GBE1: variants seen among roughly 807,000 people sequenced by gnomAD.
The protein encoded by GBE1 is 1,4-alpha-glucan-branching enzyme.
GBE1 carries 70 observed loss-of-function variants against 88.8 expected under a neutral mutation model. That is an observed-to-expected ratio of 0.79 (90% CI 0.65 to 0.96). GBE1 has a LOEUF of 0.96. Among genes scored for constraint, GBE1 ranks in the 40% least tolerant of loss-of-function variants. The pLI is 0.00. For synonymous variants in GBE1, 284 were observed against 300.1 expected, an observed-to-expected ratio of 0.95 and a Z score of 0.56; for missense variants, 872 against 871.0, an observed-to-expected ratio of 1.00 and a Z score of -0.01.
chr3:81,750,541 A>ATG (rs1706484691), intron 1 of GBE1, among the ~76,000 whole-genome samples: 1 of 97,844 alleles, frequency 1.0e-5, no homozygotes, highest in African/African-American at 5.1e-5. Flanking sequence ...ATATATACGT[A>ATG]TATATATATG....
At chr3:81,555,297 A>G (rs886562269) in intron 12 of GBE1, among the ~76,000 whole-genome samples, 1 of 152,194 alleles carries the variant, frequency 6.6e-6, no homozygotes, top group Non-Finnish European at 1.5e-5. Context: ...TCTTTAAGAT[A>G]ATGGCGCTTA....
chr3:81,516,525 A>G (rs1307157299), intron 14 of GBE1, among the ~76,000 whole-genome samples: 1 of 151,590 alleles, frequency 6.6e-6, no homozygotes, highest in African/African-American at 2.4e-5. Context: ...CTAATACAAC[A>G]TGCACTCTGC....
intron 12 of GBE1, among the ~76,000 whole-genome samples, chr3:81,575,978 G>C (rs1005255884): frequency 7.9e-5 from 12 of 152,076 alleles, no homozygotes; most frequent in African/African-American, 2.7e-4. Flanking sequence ...TTTTCATGTA[G>C]ACTTTTTTTC....
intron 8 of GBE1, among the ~76,000 whole-genome samples, chr3:81,593,151 T>C (rs1024802452): frequency 1.3e-5 from 2 of 151,838 alleles, no homozygotes; most frequent in Non-Finnish European, 2.9e-5. Flanking sequence ...TCACCTGAGG[T>C]CAGGAGTTTG....
chr3:81,636,973 G>A (rs1299609861), intron 7 of GBE1, among the ~76,000 whole-genome samples: 2 of 152,046 alleles, frequency 1.3e-5, no homozygotes, highest in African/African-American at 4.8e-5. Flanking sequence ...CTTATTTTTA[G>A]GAGATACAGT....
At chr3:81,549,862 GA>G (rs1302320734) in intron 12 of GBE1, among the ~76,000 whole-genome samples, 1 of 151,444 alleles carries the variant, frequency 6.6e-6, no homozygotes, top group Non-Finnish European at 1.5e-5. Context: ...ACTGGAGAGA[GA>G]AATTAAGTTT....
chr3:81,490,239 TAAATA>T lies in GBE1; in HGVS notation c.*163_*167del. The T allele has an allele frequency of 3.3e-6, 2 of 606,378 alleles. No individual in the cohort carries two copies. Among genetic ancestry groups the T allele is most frequent in the Middle Eastern group, 4.2e-4 (1 of 2,384 alleles). The allele number at this position is 606,378 out of a possible 1,614,324, so 37.6% of individuals were successfully genotyped here. A position where few individuals can be genotyped will look rare whatever the true frequency, so the allele number is the denominator to read the frequency against. ...TTTTAAACATATTCTCCCATCTACT[TAAATA>T]AAAGTTTGCTGTATTTGCATAAACC... is the stretch of plus-strand genomic sequence containing the variant. On this transcript the variant is annotated 3_prime_UTR_variant, in exon 16 of 16. Transcript: ENST00000429644.
chr3:81,610,416 C>A (rs1051870913), intron 7 of GBE1, among the ~76,000 whole-genome samples: 22 of 152,120 alleles, frequency 1.4e-4, no homozygotes, highest in African/African-American at 5.1e-4. Flanking sequence ...AAAATTTTGT[C>A]CATGTTCATA....
intron 7 of GBE1, among the ~76,000 whole-genome samples, chr3:81,614,930 G>A (rs1704228928): frequency 2.6e-5 from 4 of 152,178 alleles, no homozygotes; most frequent in African/African-American, 9.6e-5. Context: ...TTGGGAGGCT[G>A]AGGTGGGAGA....
intron 15 of GBE1, among the ~76,000 whole-genome samples, chr3:81,495,623 C>T (rs1468523329): frequency 2.0e-5 from 3 of 152,062 alleles, no homozygotes; most frequent in African/African-American, 7.2e-5. Flanking sequence ...AGAAAAGTGA[C>T]TCTAGTATTT....
chr3:81,569,841 T>C (rs983890374), intron 12 of GBE1, among the ~76,000 whole-genome samples: 1 of 152,104 alleles, frequency 6.6e-6, no homozygotes, highest in African/African-American at 2.4e-5. Flanking sequence ...AATTTCAAGA[T>C]TTTGCTCTTG....
chr3:81,512,969 A>C (rs1468143156), intron 14 of GBE1, among the ~76,000 whole-genome samples: 2 of 151,548 alleles, frequency 1.3e-5, no homozygotes, highest in African/African-American at 4.8e-5. Context: ...ATTTTGTTTA[A>C]TTTGAATGGG....
intron 12 of GBE1, among the ~76,000 whole-genome samples, chr3:81,540,757 A>C (rs1703132884): frequency 6.6e-6 from 1 of 152,086 alleles, no homozygotes; most frequent in Admixed American, 6.6e-5. Context: ...GAAAATGAAA[A>C]TAATGTTGTT....
In GBE1 at chr3:81,642,914, C is replaced by G. The variant is rs116899644; in HGVS notation, c.859G>C (p.Val287Leu). 4.3e-4 allele frequency: 689 copies of G among 1,612,968 alleles called. 6 individuals are homozygous for G. The East Asian group carries it at 0.014, about 32-fold the overall frequency. ...HSMGIIVLLDVVHSHASKNSA... is the reference protein window; with the variant it reads ...HSMGIIVLLDLVHSHASKNSA... ...TTTTTTGAAGCATGGCTGTGTACCA[C>G]ATCTAAGAGGACTATGATACCCATG... Residue 287 changes from valine (V) to leucine (L), a missense_variant, in exon 7 of 16, where the codon GTG (valine) becomes CTG (leucine). Coordinates refer to ENST00000429644, the MANE Select transcript of GBE1 (RefSeq NM_000158.4).
At position 81,591,548 on chromosome 3, in the gene GBE1, A is replaced by C. The variant is rs544328860; in HGVS notation, c.1109-384T>G. Among the ~76,000 whole-genome samples the C allele has an allele frequency of 4.6e-5, 7 of 152,246 alleles. No individual in the cohort carries two copies. The East Asian group carries it at 1.2e-3, about 25-fold the overall frequency. On this transcript the variant is annotated intron_variant, in intron 8 of 15. Coordinates refer to ENST00000429644, the MANE Select transcript of GBE1 (RefSeq NM_000158.4). ...GTTTGTATTAGATCCCTCTGAGGTA[A>C]GGAAAAGAAAATAGGAAAACCATCA...
chr3:81,635,389 C>A (rs1038266027), intron 7 of GBE1, among the ~76,000 whole-genome samples: 1 of 151,966 alleles, frequency 6.6e-6, no homozygotes, highest in Non-Finnish European at 1.5e-5. Flanking sequence ...GAATAAGGTC[C>A]TCAAAAATGA....
intron 7 of GBE1, among the ~76,000 whole-genome samples, chr3:81,639,381 C>T (rs916752418): frequency 1.3e-5 from 2 of 151,762 alleles, no homozygotes; most frequent in African/African-American, 2.4e-5. Flanking sequence ...ACATAACTCT[C>T]TGATAATTCT....
chr3:81,539,372 T>A (rs1703116978), intron 12 of GBE1, among the ~76,000 whole-genome samples: 1 of 151,924 alleles, frequency 6.6e-6, no homozygotes, highest in Non-Finnish European at 1.5e-5. Flanking sequence ...ATAAGACTTG[T>A]GGTAAGGAGA....
chr3:81,649,624 T>C (rs1385732648), intron 4 of GBE1, among the ~76,000 whole-genome samples, 172 bp downstream of exon 4: 2 of 152,142 alleles, frequency 1.3e-5, no homozygotes, highest in Admixed American at 1.3e-4. Context: ...TGTTACTGGC[T>C]ACAGAAGACA....
Sources: gnomAD v4.1 joint callset for allele counts (sites outside exome capture counted in the v4.1 genomes callset) on GRCh38, gnomAD v4.1.1 for gene constraint, MANE v1.5 for transcripts, NCBI Gene and HGNC (gene_info 2026-07-23, HGNC 2026-07-21) for gene names.